ADAMTSL1: variants seen among roughly 807,000 people sequenced by gnomAD.
The protein encoded by ADAMTSL1 is ADAMTS like 1, also known as ADAMTS-like protein 1.
ADAMTSL1 carries 126 observed loss-of-function variants against 201.8 expected under a neutral mutation model. The observed-to-expected ratio is 0.62, with a 90% CI of 0.54 to 0.72. The LOEUF (loss-of-function observed/expected upper bound fraction) is 0.72. ADAMTSL1 is among the 30% of genes least tolerant of loss of function. The pLI is 0.00. For synonymous variants in ADAMTSL1, 1,121 were observed against 903.4 expected, an observed-to-expected ratio of 1.24 and a Z score of -4.32; for missense variants, 2,679 against 2,277.8, an observed-to-expected ratio of 1.18 and a Z score of -3.59.
In ADAMTSL1 at chr9:17,948,869, A is replaced by G. The variant is rs1161096150; in HGVS notation, c.87+41947A>G. On this transcript the variant is annotated intron_variant, in intron 1 of 29. Coordinates refer to the ADAMTSL1 transcript ENST00000680146. ...ACCAAGACTGTTTCTACCAGCTGGG[A>G]CATGTGATTGTGCTAATTATCAGTA... Among the ~76,000 whole-genome samples the G allele has an allele frequency of 2.0e-5, 3 of 152,232 alleles. No individual in the cohort carries two copies. The East Asian group carries it at 5.8e-4, about 29-fold the overall frequency.
intron 4 of ADAMTSL1, among the ~76,000 whole-genome samples, chr9:18,614,099 A>C (rs1378197039): frequency 1.3e-5 from 2 of 152,330 alleles, no homozygotes; most frequent in East Asian, 3.9e-4. Flanking sequence ...TTTGAAGAAC[A>C]GCAAAGAGAC....
intron 1 of ADAMTSL1, among the ~76,000 whole-genome samples, chr9:18,057,649 C>T (rs1822256790): frequency 1.3e-5 from 2 of 152,112 alleles, no homozygotes; most frequent in African/African-American, 4.8e-5. Context: ...CCTGCATCAC[C>T]CAGACCAGTC....
chr9:18,711,552 G>A (rs1402714770), intron 14 of ADAMTSL1, among the ~76,000 whole-genome samples: 6 of 152,202 alleles, frequency 3.9e-5, no homozygotes, highest in East Asian at 3.9e-4. Context: ...CTTAAAAAAC[G>A]GTGCAACAGG....
intron 2 of ADAMTSL1, among the ~76,000 whole-genome samples, chr9:18,277,040 A>G (rs913169705): frequency 3.3e-5 from 5 of 152,098 alleles, no homozygotes; most frequent in Non-Finnish European, 7.4e-5. Context: ...ATTTCAATGT[A>G]TTTGTGAATT....
chr9:18,277,422 G>A (rs1814150898), intron 2 of ADAMTSL1, among the ~76,000 whole-genome samples: 1 of 152,052 alleles, frequency 6.6e-6, no homozygotes, highest in Non-Finnish European at 1.5e-5. Flanking sequence ...ATATTTAAAT[G>A]CTCCTGTACT....
At chr9:18,393,480 A>AT (rs1410752477) in intron 2 of ADAMTSL1, among the ~76,000 whole-genome samples, 1 of 152,176 alleles carries the variant, frequency 6.6e-6, no homozygotes, top group East Asian at 1.9e-4. Context: ...AACAAGGATA[A>AT]TTGGCTCCCT....
chr9:18,889,109 T>C (rs950364313), intron 24 of ADAMTSL1, among the ~76,000 whole-genome samples: 1 of 152,182 alleles, frequency 6.6e-6, no homozygotes, highest in African/African-American at 2.4e-5. Context: ...TTGGGTAACA[T>C]TTGCAAAGTC....
At chr9:18,060,162 A>G (rs1306083382) in intron 1 of ADAMTSL1, among the ~76,000 whole-genome samples, 1 of 152,110 alleles carries the variant, frequency 6.6e-6, no homozygotes, top group Non-Finnish European at 1.5e-5. Flanking sequence ...GTATATGTGT[A>G]TGTACCTAAG....
intron 2 of ADAMTSL1, among the ~76,000 whole-genome samples, chr9:18,438,685 G>T (rs1311401306): frequency 6.6e-6 from 1 of 152,186 alleles, no homozygotes; most frequent in African/African-American, 2.4e-5. Context: ...ATTTGCTGTT[G>T]TTGGCTGCGG....
At chr9:18,662,387 A>G (rs991940434) in intron 9 of ADAMTSL1, among the ~76,000 whole-genome samples, 1 of 152,118 alleles carries the variant, frequency 6.6e-6, no homozygotes, top group African/African-American at 2.4e-5. Flanking sequence ...GTCCAGGCCA[A>G]TGGACCACTC....
intron 1 of ADAMTSL1, among the ~76,000 whole-genome samples, chr9:18,133,186 G>T (rs982542439): frequency 1.3e-5 from 2 of 152,142 alleles, no homozygotes; most frequent in Admixed American, 1.3e-4. Flanking sequence ...GGATTAAGGA[G>T]TCAGGGTTCA....
At chr9:18,575,739 C>T (rs530977744) in intron 4 of ADAMTSL1, among the ~76,000 whole-genome samples, 2 of 152,074 alleles carry the variant, frequency 1.3e-5, no homozygotes, top group Non-Finnish European at 1.5e-5. Flanking sequence ...AACTGAGGAC[C>T]AGAAAATATG....
intron 2 of ADAMTSL1, among the ~76,000 whole-genome samples, chr9:18,265,669 T>G (rs1832093314): frequency 6.6e-6 from 1 of 152,234 alleles, no homozygotes; most frequent in South Asian, 2.1e-4. Context: ...TAAAAGAATA[T>G]GCTAACTATT....
chr9:18,583,001 C>T (rs1823213521), intron 4 of ADAMTSL1, among the ~76,000 whole-genome samples: 2 of 152,140 alleles, frequency 1.3e-5, no homozygotes, highest in Non-Finnish European at 2.9e-5. Flanking sequence ...TGAGGCTGCC[C>T]CAGCCACATG....
chr9:17,920,133 T>C (rs1464519194), intron 1 of ADAMTSL1, among the ~76,000 whole-genome samples: 1 of 152,200 alleles, frequency 6.6e-6, no homozygotes, highest in East Asian at 1.9e-4. Context: ...CTGCCTTGAT[T>C]GAAAGAAAAG....
intron 19 of ADAMTSL1, among the ~76,000 whole-genome samples, chr9:18,790,914 T>C (rs1175328531): frequency 6.6e-6 from 1 of 152,182 alleles, no homozygotes; most frequent in Non-Finnish European, 1.5e-5. Context: ...AGGTCTTAAT[T>C]GTACCCATTC....
At chr9:18,032,602 G>C (rs1435061244) in intron 1 of ADAMTSL1, among the ~76,000 whole-genome samples, 1 of 152,176 alleles carries the variant, frequency 6.6e-6, no homozygotes, top group African/African-American at 2.4e-5. Context: ...AGGGGCTGCA[G>C]CCAGTCAGCA....
intron 2 of ADAMTSL1, among the ~76,000 whole-genome samples, chr9:18,334,624 A>G (rs1835155207): frequency 6.6e-6 from 1 of 152,166 alleles, no homozygotes; most frequent in Non-Finnish European, 1.5e-5. Context: ...CTTCTATATA[A>G]ACCAATTCAT....
intron 2 of ADAMTSL1, among the ~76,000 whole-genome samples, chr9:18,283,629 A>AC (rs1194594938): frequency 4.0e-5 from 6 of 148,338 alleles, no homozygotes; most frequent in Non-Finnish European, 7.5e-5. Flanking sequence ...AAAAAAAAAA[A>AC]AGGCTGGGTG....
Sources: allele counts gnomAD v4.1 joint callset (sites outside exome capture counted in the v4.1 genomes callset), GRCh38; gene constraint gnomAD v4.1.1; transcripts MANE v1.5; gene names NCBI Gene and HGNC (gene_info 2026-07-23, HGNC 2026-07-21).